AP1G1: variants seen among roughly 807,000 people sequenced by gnomAD.
AP1G1 encodes the protein adaptor related protein complex 1 subunit gamma 1.
Under a neutral mutation model 108.3 loss-of-function variants are expected in AP1G1, and 7 were observed. The observed-to-expected ratio is 0.06, with a 90% CI of 0.04 to 0.12. The LOEUF (loss-of-function observed/expected upper bound fraction) is 0.12, where lower values mean the gene tolerates loss of function less well. Ranked by LOEUF, AP1G1 falls within the 10% of genes least tolerant of loss-of-function variation. AP1G1 has a pLI of 1.00. For synonymous variants in AP1G1, 379 were observed against 353.5 expected, an observed-to-expected ratio of 1.07 and a Z score of -0.81; for missense variants, 756 against 1,010.7, an observed-to-expected ratio of 0.75 and a Z score of 3.42.
At chr16:71,777,828 C>A in intron 2 of AP1G1, 1 of 384,110 alleles carries the variant, frequency 2.6e-6, no homozygotes, top group South Asian at 2.0e-5. Flanking sequence ...ATGCTTTTCT[C>A]CAACATGGTG....
intron 1 of AP1G1, among the ~76,000 whole-genome samples, chr16:71,803,370 G>A (rs2032876766): frequency 6.6e-6 from 1 of 151,842 alleles, no homozygotes. Context: ...TCTCTCCAAT[G>A]GTCTGAGTAG....
At chr16:71,789,883 C>T (rs2032333867) in intron 1 of AP1G1, among the ~76,000 whole-genome samples, 1 of 152,120 alleles carries the variant, frequency 6.6e-6, no homozygotes, top group South Asian at 2.1e-4. Flanking sequence ...TGCTGTTAAA[C>T]ATAACATAGC....
chr16:71,807,918 G>C, intron 1 of AP1G1: 1 of 1,279,582 alleles, frequency 7.8e-7, no homozygotes, highest in Non-Finnish European at 1.0e-6. Context: ...ATTCAGCACA[G>C]GGAGGGAATC....
rs562074669 is a variant in AP1G1 at position 71,731,607 on chromosome 16, CAGAG to C, written c.*1447_*1450del. On this transcript the variant is annotated 3_prime_UTR_variant, in exon 23 of 23. Transcript: ENST00000299980. ...TACATAGTACATTCAATGTGTACCA[CAGAG>C]AGAGTCACCTCTACTTCATTCCAGC... The C allele has an allele frequency of 2.6e-5, 4 of 152,474 alleles. No individual in the cohort carries two copies. In the South Asian group the frequency reaches 6.2e-4, roughly 24 times the overall value. The allele number at this position is 152,474 out of a possible 1,614,324, so 9.4% of individuals were successfully genotyped here.
intron 1 of AP1G1, among the ~76,000 whole-genome samples, chr16:71,801,917 G>C (rs565031583): frequency 1.4e-3 from 180 of 128,688 alleles, no homozygotes; most frequent in African/African-American, 4.7e-3. Flanking sequence ...GCGAGACTCC[G>C]TAACCAAAAA....
At chr16:71,746,552 A>C in intron 17 of AP1G1, 36 bp downstream of exon 17, 3 of 1,295,410 alleles carry the variant, frequency 2.3e-6, no homozygotes, top group Non-Finnish European at 3.3e-6. Flanking sequence ...TCAGGATGCT[A>C]AGAGATACAC....
chr16:71,746,877 C>T, intron 16 of AP1G1, 185 bp from the exon 17 acceptor site: 1 of 479,078 alleles, frequency 2.1e-6, no homozygotes, highest in South Asian at 2.7e-5. Flanking sequence ...TCGCATTATA[C>T]TATTCTCATT....
intron 2 of AP1G1, among the ~76,000 whole-genome samples, chr16:71,778,461 C>T (rs2031873465): frequency 6.6e-6 from 1 of 151,964 alleles, no homozygotes; most frequent in South Asian, 2.1e-4. Context: ...GGTGGGTGGA[C>T]TGCCTGAGCT....
chr16:71,789,199 C>A (rs750709790), intron 2 of AP1G1, 80 bp downstream of exon 2: 47 of 1,339,500 alleles, frequency 3.5e-5, no homozygotes, highest in Non-Finnish European at 4.7e-5. Flanking sequence ...AAAGTACCTC[C>A]CCACCAGAAA....
chr16:71,738,285 C>G (rs2045575314), intron 21 of AP1G1, among the ~76,000 whole-genome samples: 1 of 151,884 alleles, frequency 6.6e-6, no homozygotes, highest in African/African-American at 2.4e-5. Context: ...TCTCGAACTC[C>G]TGATCTCAAG....
rs772958724 is a variant in AP1G1, at chr16:71,753,847, G to A, written c.1270C>T (p.Arg424Cys). 7 of 1,613,870 alleles carry A rather than the reference G, an allele frequency of 4.3e-6. No homozygotes were observed. The highest frequency in any genetic ancestry group is 1.7e-5 in the Admixed American group (1 of 60,014). ...AAGCTACTTACCGTTGTCAAAACAC[G>A]CATAATTGTGTCTATATGCCATCGT... ...SKRWHIDTIM[R>C]VLTTAGSYVR... The change falls in exon 13 of 23, where the codon CGT (arginine) becomes TGT (cysteine). Residue 424 changes from arginine (R) to cysteine (C), a missense_variant. By Grantham distance (180) the Arg-to-Cys change is radical. This residue lies in a region of AP1G1 where 357 missense variants were observed against 366.5 expected (regional missense o/e 0.97). Transcript: ENST00000299980.
chr16:71,792,898 T>C (rs576236292), intron 1 of AP1G1, among the ~76,000 whole-genome samples: 7 of 149,172 alleles, frequency 4.7e-5, no homozygotes, highest in African/African-American at 1.5e-4. Flanking sequence ...CTGGGCACGG[T>C]GGCTCACACC....
intron 10 of AP1G1, among the ~76,000 whole-genome samples, chr16:71,760,010 TGTTA>T (rs966224061): frequency 8.5e-5 from 13 of 152,048 alleles, no homozygotes; most frequent in Non-Finnish European, 1.6e-4. Flanking sequence ...TAACTTAGTA[TGTTA>T]GTGTTTTAAC....
chr16:71,800,122 T>C (rs2032733992), intron 1 of AP1G1, among the ~76,000 whole-genome samples: 1 of 150,882 alleles, frequency 6.6e-6, no homozygotes, highest in Admixed American at 6.6e-5. Flanking sequence ...CCCAGCACTT[T>C]GGGAGGCCGA....
chr16:71,766,692 A>C (rs1435436605), intron 6 of AP1G1, among the ~76,000 whole-genome samples: 1 of 152,164 alleles, frequency 6.6e-6, no homozygotes, highest in Non-Finnish European at 1.5e-5. Flanking sequence ...CCCCAAGCCT[A>C]AAAGGGGATC....
intron 1 of AP1G1, among the ~76,000 whole-genome samples, chr16:71,792,621 A>C (rs2032445810): frequency 6.6e-6 from 1 of 151,958 alleles, no homozygotes; most frequent in Non-Finnish European, 1.5e-5. Context: ...GGGAGCATTG[A>C]GATGGGTGGA....
rs573701557 is a variant in AP1G1, at chr16:71,737,565, G to A, written c.2268+1377C>T. 1.2e-3 allele frequency among the ~76,000 whole-genome samples: 180 copies of A among 152,322 alleles called. 1 individual carries two copies. Among genetic ancestry groups the A allele is most frequent in the Admixed American group, 2.5e-3 (39 of 15,296 alleles). ...CTCCCAAATTGCTGGGATTACAGGC[G>A]TGAGATACCGTGTCCAGCTAACTGC... On this transcript the variant is annotated intron_variant, in intron 21 of 22. Coordinates refer to ENST00000299980, the MANE Select transcript of AP1G1 (RefSeq NM_001128.6).
intron 5 of AP1G1, among the ~76,000 whole-genome samples, chr16:71,770,679 T>C (rs777636217): frequency 2.2e-4 from 33 of 152,226 alleles, no homozygotes; most frequent in Non-Finnish European, 4.8e-4. Flanking sequence ...GTTCTGACTT[T>C]GTTGCCCAGG....
chr16:71,772,219 C>G (rs1483905572), intron 4 of AP1G1, among the ~76,000 whole-genome samples: 1 of 152,110 alleles, frequency 6.6e-6, no homozygotes, highest in African/African-American at 2.4e-5. Flanking sequence ...CAAGCTCCGC[C>G]TCCTGGGTTC....
Sources: allele counts gnomAD v4.1 joint callset (sites outside exome capture counted in the v4.1 genomes callset), GRCh38; gene constraint gnomAD v4.1.1; regional missense constraint gnomAD v4.1.1; transcripts MANE v1.5; gene names NCBI Gene and HGNC (gene_info 2026-07-23, HGNC 2026-07-21).